MAP6: variants seen among roughly 807,000 people sequenced by gnomAD.
The protein encoded by MAP6 is microtubule associated protein 6.
Under a neutral mutation model 42.4 loss-of-function variants are expected in MAP6, and 26 were observed. The ratio of observed to expected loss-of-function variants is 0.61; its 90% CI spans 0.45 to 0.85. MAP6 has a LOEUF of 0.85. Among genes scored for constraint, MAP6 ranks in the 40% least tolerant of loss-of-function variants. The pLI is 0.00. For missense variants in MAP6, 966 were observed against 1,099.0 expected, an observed-to-expected ratio of 0.88 and a Z score of 1.71; for synonymous variants, 418 against 443.8, an observed-to-expected ratio of 0.94 and a Z score of 0.73.
Position 75,667,664 on chromosome 11 carries a change from G to T in MAP6, c.706C>A (p.Arg236Ser). The change falls in exon 1 of 4, where the codon CGC becomes AGC. Residue 236 changes from arginine (R) to serine (S), a missense_variant. Physicochemically the swap from Arg to Ser is moderately radical, Grantham distance 110. Coordinates refer to ENST00000304771, the MANE Select transcript of MAP6 (RefSeq NM_033063.2). The surrounding 1 kb of genome is among the most constrained non-coding windows in gnomAD (Gnocchi z 5.6). ...GGCCCGGCCTTCCTGCGCGTGTCGC[G>T]CTCGTCCGCCCCGGACGCCTTTCCG... ...AAGKASGADERDTRRKAGPAW... is the reference protein window; with the variant it reads ...AAGKASGADESDTRRKAGPAW... The T allele has an allele frequency of 1.6e-6, 2 of 1,259,590 alleles. No homozygotes were observed. Among genetic ancestry groups the T allele is most frequent in the South Asian group, 3.1e-5 (1 of 32,680 alleles). 78.0% of individuals were successfully genotyped at this position (1,259,590 alleles called of 1,614,324 possible).
intron 1 of MAP6, among the ~76,000 whole-genome samples, chr11:75,647,326 T>TA (rs1235219992): frequency 0.12 from 1,238 of 9,912 alleles, 35 homozygotes; most frequent in African/African-American, 0.27. Context: ...GAATAGCTAC[T>TA]AAAAAAAAAA....
intron 1 of MAP6, among the ~76,000 whole-genome samples, chr11:75,630,525 TTCTA>T (rs1332050026): frequency 1.3e-5 from 2 of 152,248 alleles, no homozygotes; most frequent in South Asian, 2.1e-4. Flanking sequence ...TAAAAGAGGC[TTCTA>T]TCTGATATAT....
intron 3 of MAP6, among the ~76,000 whole-genome samples, chr11:75,602,565 T>C (rs1462719588): frequency 6.6e-6 from 1 of 152,150 alleles, no homozygotes; most frequent in Non-Finnish European, 1.5e-5. Flanking sequence ...AGCCTCCCAG[T>C]GTGGCAAGGT....
intron 1 of MAP6, among the ~76,000 whole-genome samples, chr11:75,665,080 A>T (rs369180982): frequency 4.6e-5 from 7 of 152,330 alleles, no homozygotes; most frequent in East Asian, 1.9e-4. Context: ...AAATTTAAAA[A>T]TTTTTTTGAG....
chr11:75,594,324 C>G (rs905957572), intron 3 of MAP6: 8 of 152,230 alleles, frequency 5.3e-5, no homozygotes, highest in Admixed American at 6.5e-5. Flanking sequence ...TTGCTGCTGC[C>G]TCCATGGGCC....
At chr11:75,636,078 C>T (rs577734776) in intron 1 of MAP6, 1 of 152,216 alleles carries the variant, frequency 6.6e-6, no homozygotes, top group Non-Finnish European at 1.5e-5. Context: ...CCATAGTCTG[C>T]TTCTGGGTCC....
At chr11:75,616,315 T>C (rs1241877093) in intron 1 of MAP6, among the ~76,000 whole-genome samples, 1 of 152,218 alleles carries the variant, frequency 6.6e-6, no homozygotes, top group Non-Finnish European at 1.5e-5. Flanking sequence ...ATCTTCTTTA[T>C]AAAATTTTTT....
chr11:75,626,814 C>T (rs1257196958), intron 1 of MAP6, among the ~76,000 whole-genome samples: 1 of 152,062 alleles, frequency 6.6e-6, no homozygotes, highest in East Asian at 1.9e-4. Context: ...ACGATCCAGG[C>T]CCTGGGAAGA....
intron 1 of MAP6, among the ~76,000 whole-genome samples, chr11:75,662,972 T>C (rs1474522452): frequency 2.6e-5 from 4 of 151,364 alleles, no homozygotes; most frequent in Admixed American, 2.6e-4. Context: ...CTTTTTTTTT[T>C]TTTTTTTGAG....
At chr11:75,625,455 G>GGCCTACAGTGTGCA (rs1287987770) in intron 1 of MAP6, among the ~76,000 whole-genome samples, 5 of 152,220 alleles carry the variant, frequency 3.3e-5, no homozygotes, top group Non-Finnish European at 7.4e-5. Flanking sequence ...AGGATGTTGG[G>GGCCTACAGTGTGCA]GCCTACAGTG....
intron 1 of MAP6, among the ~76,000 whole-genome samples, chr11:75,627,618 T>C (rs906251988): frequency 6.6e-6 from 1 of 152,128 alleles, no homozygotes; most frequent in African/African-American, 2.4e-5. Flanking sequence ...ATCGTGAAGG[T>C]AGATGACAGA....
chr11:75,653,291 C>T (rs527265075), intron 1 of MAP6, among the ~76,000 whole-genome samples: 1 of 152,310 alleles, frequency 6.6e-6, no homozygotes, highest in South Asian at 2.1e-4. Context: ...CTTGTACATC[C>T]CTGAAAAATC....
At position 75,606,519 on chromosome 11, in the gene MAP6, T is replaced by C. The variant is rs1331433878; in HGVS notation, c.1120-515A>G. ...GATGGAGAGGCAACGAGGGTTAGAG[T>C]GGCAGCCAACCCACAATGGATATTA... is the stretch of plus-strand genomic sequence containing the variant. On this transcript the variant is annotated intron_variant, in intron 2 of 3. Coordinates refer to ENST00000304771, the MANE Select transcript of MAP6 (RefSeq NM_033063.2). Among the ~76,000 whole-genome samples, 5 of 152,014 alleles carry C rather than the reference T, an allele frequency of 3.3e-5. No homozygotes were observed. The East Asian group carries it at 9.6e-4, about 29-fold the overall frequency.
intron 3 of MAP6, chr11:75,603,485 T>A: frequency 1.0e-6 from 1 of 985,212 alleles, no homozygotes; most frequent in Non-Finnish European, 1.2e-6. Flanking sequence ...AACAGGGTTT[T>A]CTCAGTGGGT....
At chr11:75,614,522 G>A (rs897837516) in intron 1 of MAP6, among the ~76,000 whole-genome samples, 4 of 152,182 alleles carry the variant, frequency 2.6e-5, no homozygotes, top group Non-Finnish European at 5.9e-5. Context: ...AAGCTGCCAT[G>A]TCATAAGGAC....
intron 3 of MAP6, among the ~76,000 whole-genome samples, chr11:75,597,028 T>C (rs1331711714): frequency 9.2e-5 from 14 of 152,204 alleles, no homozygotes; most frequent in Admixed American, 9.2e-4. Flanking sequence ...CACTTACAAG[T>C]TGTGTGACTT....
chr11:75,646,803 A>T (rs1471271213), intron 1 of MAP6, among the ~76,000 whole-genome samples: 2 of 152,178 alleles, frequency 1.3e-5, no homozygotes, highest in Admixed American at 1.3e-4. Context: ...TCCATCTCAA[A>T]AAAAAGAAGC....
intron 1 of MAP6, among the ~76,000 whole-genome samples, chr11:75,657,135 G>A (rs1398672155): frequency 2.1e-5 from 3 of 145,324 alleles, no homozygotes; most frequent in African/African-American, 5.1e-5. Context: ...TTTTTGAGAC[G>A]GAGTCTCGCT....
chr11:75,648,437 C>T (rs1257429205), intron 1 of MAP6, among the ~76,000 whole-genome samples: 1 of 152,082 alleles, frequency 6.6e-6, no homozygotes, highest in Non-Finnish European at 1.5e-5. Context: ...GGTCGAAACA[C>T]AAATGAGCTG....
Sources: gnomAD v4.1 joint callset for allele counts (sites outside exome capture counted in the v4.1 genomes callset) on GRCh38, gnomAD v4.1.1 for gene constraint, Gnocchi (gnomAD v3.1) non-coding constraint, MANE v1.5 for transcripts, NCBI Gene and HGNC (gene_info 2026-07-23, HGNC 2026-07-21) for gene names.